Variants in SNTG2 observed in about 807,000 individuals in gnomAD.
SNTG2 encodes the protein syntrophin gamma 2, also known as gamma-2-syntrophin.
Under a neutral mutation model 70.9 loss-of-function variants are expected in SNTG2, and 74 were observed. The observed-to-expected ratio is 1.04, with a 90% confidence interval of 0.86 to 1.27. The LOEUF (loss-of-function observed/expected upper bound fraction) is 1.27, where lower values mean the gene tolerates loss of function less well. Among genes scored for constraint, SNTG2 ranks in the 50% most tolerant of loss-of-function variants. The pLI, the probability that SNTG2 is intolerant of heterozygous loss-of-function variation, is 0.00. For missense variants in SNTG2, 717 were observed against 690.7 expected (o/e 1.04, Z -0.43); for synonymous variants, 278 against 273.8 (o/e 1.02, Z -0.15).
chr2:1,104,765 T>C (rs1390140135), intron 4 of SNTG2, among the ~76,000 whole-genome samples: 2 of 152,242 alleles, frequency 1.3e-5, no homozygotes, highest in Non-Finnish European at 2.9e-5. Context: ...GGGCTTGCTC[T>C]TCTCACTGAA....
At chr2:1,068,437 A>G (rs1663299672) in intron 1 of SNTG2, 4 of 152,308 alleles carry the variant, frequency 2.6e-5, no homozygotes, top group Admixed American at 2.6e-4. Flanking sequence ...AGAGCCCAGT[A>G]ACCAGGGGTT....
intron 1 of SNTG2, among the ~76,000 whole-genome samples, chr2:979,458 C>A (rs138824759): frequency 1.3e-5 from 2 of 152,084 alleles, no homozygotes; most frequent in African/African-American, 4.8e-5. Context: ...GCTTGCCCGT[C>A]GGGCTGTGCC....
intron 4 of SNTG2, among the ~76,000 whole-genome samples, chr2:1,110,436 C>T (rs76867098): frequency 0.013 from 1,962 of 152,318 alleles, 35 homozygotes; most frequent in African/African-American, 0.042. Flanking sequence ...TTCACCTGTT[C>T]TGCTGAATTT....
intron 16 of SNTG2, among the ~76,000 whole-genome samples, chr2:1,350,011 G>A (rs1393466527): frequency 6.6e-6 from 1 of 152,064 alleles, no homozygotes; most frequent in African/African-American, 2.4e-5. Flanking sequence ...TATAATGTCT[G>A]TTTAAAATTT....
intron 1 of SNTG2, among the ~76,000 whole-genome samples, chr2:954,300 G>A (rs1660073846): frequency 6.6e-6 from 1 of 152,166 alleles, no homozygotes; most frequent in Non-Finnish European, 1.5e-5. Flanking sequence ...CTCACCTGTG[G>A]AATGTGTGCT....
At chr2:1,106,605 C>T (rs1666172486) in intron 4 of SNTG2, among the ~76,000 whole-genome samples, 1 of 139,800 alleles carries the variant, frequency 7.2e-6, no homozygotes, top group South Asian at 2.3e-4. Flanking sequence ...CGTGCTGTCA[C>T]TTGGGTGCAG....
intron 1 of SNTG2, among the ~76,000 whole-genome samples, chr2:1,025,218 G>T (rs1247545478): frequency 1.3e-5 from 2 of 152,168 alleles, no homozygotes; most frequent in Non-Finnish European, 2.9e-5. Flanking sequence ...TGCCATCCCA[G>T]CTGGGAGCAA....
At chr2:973,694 T>C (rs1409231786) in intron 1 of SNTG2, among the ~76,000 whole-genome samples, 2 of 152,274 alleles carry the variant, frequency 1.3e-5, no homozygotes, top group African/African-American at 2.4e-5. Flanking sequence ...AGCTCTGATA[T>C]GTTCTTTCTG....
intron 6 of SNTG2, among the ~76,000 whole-genome samples, chr2:1,158,091 G>C (rs1670023193): frequency 6.6e-6 from 1 of 152,146 alleles, no homozygotes; most frequent in Non-Finnish European, 1.5e-5. Context: ...CATGCTCAAA[G>C]GGCCCAGTTG....
intron 1 of SNTG2, among the ~76,000 whole-genome samples, chr2:959,090 T>C (rs936386654): frequency 6.6e-6 from 1 of 152,132 alleles, no homozygotes; most frequent in East Asian, 1.9e-4. Flanking sequence ...AACACTTATA[T>C]AAGGTTTAAT....
At chr2:1,238,425 CATT>C (rs1393930181) in intron 10 of SNTG2, among the ~76,000 whole-genome samples, 2 of 152,200 alleles carry the variant, frequency 1.3e-5, no homozygotes, top group African/African-American at 2.4e-5. Flanking sequence ...TTCTCCCAAA[CATT>C]ATGAAGATTT....
At chr2:1,017,037 C>A (rs578180335) in intron 1 of SNTG2, among the ~76,000 whole-genome samples, 1 of 152,160 alleles carries the variant, frequency 6.6e-6, no homozygotes, top group Non-Finnish European at 1.5e-5. Context: ...TCTTTCTTAT[C>A]TCTAGGCTAG....
At chr2:1,186,404 G>A (rs1672253972) in intron 8 of SNTG2, among the ~76,000 whole-genome samples, 1 of 152,124 alleles carries the variant, frequency 6.6e-6, no homozygotes, top group African/African-American at 2.4e-5. Flanking sequence ...TATCTTTATA[G>A]CAATACCTTA....
At chr2:1,156,435 C>T (rs1669901855) in intron 6 of SNTG2, among the ~76,000 whole-genome samples, 2 of 152,042 alleles carry the variant, frequency 1.3e-5, no homozygotes, top group African/African-American at 2.4e-5. Context: ...GTGGAGGCTT[C>T]AGTGAAGAGA....
chr2:1,299,246 C>T (rs771638281), intron 14 of SNTG2, among the ~76,000 whole-genome samples: 22 of 152,322 alleles, frequency 1.4e-4, no homozygotes, highest in Middle Eastern at 6.8e-3. Context: ...TCTAGCCCTG[C>T]GCACATTTCC....
intron 12 of SNTG2, among the ~76,000 whole-genome samples, chr2:1,255,691 A>G (rs1678013629): frequency 6.6e-6 from 1 of 151,662 alleles, no homozygotes; most frequent in African/African-American, 2.4e-5. Context: ...GCCCTGCTTC[A>G]GAACAGTACT....
chr2:1,352,582 C>T lies in SNTG2; in HGVS notation c.1489-14761C>T, dbSNP rs1365934041. Reference sequence around the variant, plus strand: ...CCAACAGCCTCCCAGGAAATGCTGTCTCTGCAGGACCACTCCCCATAAAGC... The same window carrying T: ...CCAACAGCCTCCCAGGAAATGCTGTTTCTGCAGGACCACTCCCCATAAAGC... On this transcript the variant is annotated intron_variant, in intron 16 of 16. Coordinates refer to ENST00000308624, the MANE Select transcript of SNTG2 (RefSeq NM_018968.4). Among the ~76,000 whole-genome samples the T allele has an allele frequency of 2.0e-5, 3 of 152,228 alleles. No homozygotes were observed. The East Asian group carries it at 5.8e-4, about 29-fold the overall frequency.
At chr2:1,209,763 T>C (rs1673914032) in intron 9 of SNTG2, among the ~76,000 whole-genome samples, 1 of 152,250 alleles carries the variant, frequency 6.6e-6, no homozygotes, top group Non-Finnish European at 1.5e-5. Context: ...AAATGTATGC[T>C]TGGCTAATTG....
chr2:1,026,812 G>A (rs1291528015), intron 1 of SNTG2, among the ~76,000 whole-genome samples: 1 of 152,064 alleles, frequency 6.6e-6, no homozygotes, highest in African/African-American at 2.4e-5. Flanking sequence ...TCCTGCCCTT[G>A]GCCTGCCCTT....
Sources: allele counts gnomAD v4.1 joint callset (sites outside exome capture counted in the v4.1 genomes callset), GRCh38; gene constraint gnomAD v4.1.1; transcripts MANE v1.5; gene names NCBI Gene and HGNC (gene_info 2026-07-23, HGNC 2026-07-21).